SMG9: variants seen among roughly 807,000 people sequenced by gnomAD.
SMG9 encodes the protein SMG9 nonsense mediated mRNA decay factor.
SMG9 carries 55 observed loss-of-function variants against 64.0 expected under a neutral mutation model. That is an observed-to-expected ratio of 0.86 (90% CI 0.69 to 1.08). The LOEUF is 1.08. SMG9 is among the 50% of genes least tolerant of loss of function. SMG9 has a pLI of 0.00. For missense variants in SMG9, 554 were observed against 681.3 expected, an observed-to-expected ratio of 0.81 and a Z score of 2.08; for synonymous variants, 244 against 254.8, an observed-to-expected ratio of 0.96 and a Z score of 0.41.
In SMG9 at chr19:43,734,427, G is replaced by A. The variant is rs771042657; in HGVS notation, c.1064C>T (p.Ser355Leu). The A allele has an allele frequency of 2.2e-5, 35 of 1,561,328 alleles. No individual in the cohort carries two copies. The highest frequency in any genetic ancestry group is 2.1e-4 in the Admixed American group (11 of 52,182). Residue 355 changes from serine (S) to leucine (L), a missense_variant, in exon 10 of 14, where the codon TCG (serine) becomes TTG (leucine). By Grantham distance (145) the Ser-to-Leu change is moderately radical. Coordinates refer to ENST00000270066, the MANE Select transcript of SMG9 (RefSeq NM_019108.4). ...GTACTCGGTGCCTTCATCGGAGCCC[G>A]ATGAGCTGCTGGACTCGTGGCTGGG... Reference protein sequence around the residue: ...PSPSHESSSSSGSDEGTEYYP... With the variant: ...PSPSHESSSSLGSDEGTEYYP...
intron 7 of SMG9, 125 bp downstream of exon 7, chr19:43,739,982 C>T: frequency 1.4e-6 from 1 of 733,268 alleles, no homozygotes; most frequent in Non-Finnish European, 2.4e-6. Context: ...CCCAGGGCAG[C>T]CAGTATGTCC....
intron 7 of SMG9, chr19:43,739,746 T>A: frequency 3.8e-6 from 1 of 263,984 alleles, no homozygotes. Context: ...AGAGGCTAAG[T>A]ACAGTTACCA....
At position 43,729,140 on chromosome 19, in the gene SMG9, C is replaced by T. The variant is rs1455086922; in HGVS notation, c.*2456G>A. Reference sequence around the variant, plus strand: ...GTTTGACTCCTCTGTCAAACTGCCTCAACGAGCCAGCCCCTGCACAAAACC... The same window carrying T: ...GTTTGACTCCTCTGTCAAACTGCCTTAACGAGCCAGCCCCTGCACAAAACC... On this transcript the variant is annotated 3_prime_UTR_variant, in exon 14 of 14. Coordinates refer to ENST00000270066, the MANE Select transcript of SMG9 (RefSeq NM_019108.4). 1 of 627,170 alleles carries T rather than the reference C, an allele frequency of 1.6e-6. No individual in the cohort carries two copies. The highest frequency in any genetic ancestry group is 2.0e-5 in the African/African-American group (1 of 50,174). The allele number at this position is 627,170 out of a possible 1,614,324, so 38.9% of individuals were successfully genotyped here.
At chr19:43,735,418 G>A (rs1013530664) in intron 9 of SMG9, among the ~76,000 whole-genome samples, 1 of 152,032 alleles carries the variant, frequency 6.6e-6, no homozygotes, top group Non-Finnish European at 1.5e-5. Flanking sequence ...AGGAGTTCGA[G>A]ACCAGCCTGG....
intron 5 of SMG9, 150 bp from the exon 6 acceptor site, chr19:43,745,034 T>C: frequency 3.6e-6 from 2 of 559,448 alleles, no homozygotes; most frequent in Middle Eastern, 6.0e-4. Flanking sequence ...CAACTAGGCA[T>C]AGGGCCTCTG....
At chr19:43,748,192 T>C in intron 2 of SMG9, 140 bp from the exon 3 acceptor site, 7 of 1,031,778 alleles carry the variant, frequency 6.8e-6, no homozygotes, top group South Asian at 3.7e-5. Flanking sequence ...ATACTATTAT[T>C]ACCCCCACTT....
chr19:43,732,601 T>C (rs987729361), intron 13 of SMG9: 1 of 501,112 alleles, frequency 2.0e-6, no homozygotes, highest in Non-Finnish European at 3.6e-6. Context: ...CGAGCCTAAA[T>C]TTCCCCACCA....
chr19:43,741,281 G>T (rs938716911), intron 6 of SMG9, among the ~76,000 whole-genome samples: 1 of 152,160 alleles, frequency 6.6e-6, no homozygotes, highest in Non-Finnish European at 1.5e-5. Context: ...AGAGAAAGAG[G>T]GAGTTAATTG....
At chr19:43,737,964 T>G in intron 8 of SMG9, 158 bp downstream of exon 8, 1 of 739,220 alleles carries the variant, frequency 1.4e-6, no homozygotes, top group Admixed American at 2.3e-5. Flanking sequence ...GAGCCAGTCC[T>G]GACTCTCAGT....
rs1272331467 is a variant in SMG9 at position 43,729,862 on chromosome 19, G to A, written c.*1734C>T. The A allele has an allele frequency of 6.6e-6, 1 of 152,318 alleles. No individual in the cohort carries two copies. The highest frequency in any genetic ancestry group is 1.5e-5 in the Non-Finnish European group (1 of 68,118). The allele number at this position is 152,318 out of a possible 1,614,324, so 9.4% of individuals were successfully genotyped here. ...AAGGGCCTCGAGGATGATCTTAAAT[G>A]TTGGAATAATGGCCAGAGAGGGGAG... is the stretch of plus-strand genomic sequence containing the variant. On this transcript the variant is annotated 3_prime_UTR_variant, in exon 14 of 14. Coordinates refer to ENST00000270066, the MANE Select transcript of SMG9 (RefSeq NM_019108.4).
At chr19:43,751,432 C>T (rs559493690) in intron 1 of SMG9, among the ~76,000 whole-genome samples, 7 of 152,350 alleles carry the variant, frequency 4.6e-5, no homozygotes, top group African/African-American at 7.2e-5. Flanking sequence ...CCACCATGCC[C>T]GGCCAAGGCC....
intron 7 of SMG9, among the ~76,000 whole-genome samples, chr19:43,739,121 G>T (rs1202623537): frequency 6.6e-6 from 1 of 152,244 alleles, no homozygotes; most frequent in African/African-American, 2.4e-5. Flanking sequence ...ATGCTATGGT[G>T]GGAGGTGCAT....
intron 2 of SMG9, chr19:43,750,299 G>C: frequency 1.7e-6 from 1 of 595,672 alleles, no homozygotes; most frequent in South Asian, 1.4e-5. Flanking sequence ...GCCACCTCAG[G>C]GCCTCTGCGC....
chr19:43,743,753 G>A (rs1406916004), intron 6 of SMG9, among the ~76,000 whole-genome samples: 1 of 152,216 alleles, frequency 6.6e-6, no homozygotes, highest in African/African-American at 2.4e-5. Flanking sequence ...CTATGATCGT[G>A]CCATTGCACT....
At chr19:43,731,700 T>C (rs746378515) in intron 13 of SMG9, 26 bp from the exon 14 acceptor site, 65 of 1,614,090 alleles carry the variant, frequency 4.0e-5, no homozygotes, top group Non-Finnish European at 5.5e-5. Flanking sequence ...CAGTCAGGGC[T>C]GCCTGGCCGG....
intron 5 of SMG9, among the ~76,000 whole-genome samples, chr19:43,746,032 G>A (rs564665823): frequency 6.6e-5 from 10 of 151,956 alleles, no homozygotes; most frequent in South Asian, 2.1e-4. Context: ...AACTATCTGC[G>A]CGTGATGTCG....
chr19:43,740,485 T>C (rs1968815465), intron 6 of SMG9, among the ~76,000 whole-genome samples: 1 of 152,126 alleles, frequency 6.6e-6, no homozygotes, highest in Admixed American at 6.6e-5. Context: ...ACTCCGCCAG[T>C]CTGCCAGGAT....
At chr19:43,732,743 C>T (rs938285605) in intron 13 of SMG9, 115 bp downstream of exon 13, 1 of 1,287,120 alleles carries the variant, frequency 7.8e-7, no homozygotes, top group African/African-American at 1.5e-5. Flanking sequence ...AGAAAAGGAA[C>T]CTGGGATCTG....
intron 5 of SMG9, among the ~76,000 whole-genome samples, chr19:43,745,639 G>C (rs1968975318): frequency 6.6e-6 from 1 of 152,172 alleles, no homozygotes; most frequent in Admixed American, 6.5e-5. Context: ...GGCCAAGGTG[G>C]GAGGATCGCT....
Sources: gnomAD v4.1 joint callset for allele counts (sites outside exome capture counted in the v4.1 genomes callset) on GRCh38, gnomAD v4.1.1 for gene constraint, MANE v1.5 for transcripts, NCBI Gene and HGNC (gene_info 2026-07-23, HGNC 2026-07-21) for gene names.